The following MSH3 variants were observed in gnomAD, a reference collection of about 807,000 sequenced individuals.
MSH3 encodes the protein mutS homolog 3, also known as DNA mismatch repair protein Msh3.
A neutral mutation model predicts 123.3 loss-of-function variants in MSH3; 106 were observed. That is an observed-to-expected ratio of 0.86 (90% CI 0.73 to 1.01). The LOEUF (loss-of-function observed/expected upper bound fraction) is 1.01, where lower values mean the gene tolerates loss of function less well. Among genes scored for constraint, MSH3 ranks in the 50% least tolerant of loss-of-function variants. The pLI is 0.00. For synonymous variants in MSH3, 515 were observed against 481.4 expected (o/e 1.07, Z -0.91); for missense variants, 1,459 against 1,347.6 (o/e 1.08, Z -1.29).
chr5:80,731,256 A>G (rs914439591), intron 10 of MSH3, among the ~76,000 whole-genome samples: 1 of 152,062 alleles, frequency 6.6e-6, no homozygotes, highest in Non-Finnish European at 1.5e-5. Flanking sequence ...ATAAAACAAG[A>G]TGTCTATATA....
At chr5:80,776,437 A>AT (rs1345404064) in intron 16 of MSH3, among the ~76,000 whole-genome samples, 3 of 152,124 alleles carry the variant, frequency 2.0e-5, no homozygotes, top group Non-Finnish European at 4.4e-5. Flanking sequence ...AGAAGCTGCA[A>AT]TTTCATTTTC....
At chr5:80,840,292 C>A (rs1745597826) in intron 20 of MSH3, among the ~76,000 whole-genome samples, 1 of 152,132 alleles carries the variant, frequency 6.6e-6, no homozygotes, top group Non-Finnish European at 1.5e-5. Context: ...CCTGACAAAA[C>A]AAGCAATGGG....
chr5:80,688,917 G>A (rs1481701231), intron 8 of MSH3, among the ~76,000 whole-genome samples: 1 of 152,096 alleles, frequency 6.6e-6, no homozygotes, highest in Non-Finnish European at 1.5e-5. Flanking sequence ...GCTCAATTCT[G>A]TGGGTTCATA....
intron 19 of MSH3, among the ~76,000 whole-genome samples, chr5:80,797,575 A>T (rs1744718574): frequency 6.6e-6 from 1 of 152,262 alleles, no homozygotes; most frequent in Admixed American, 6.5e-5. Context: ...CATACTTCTG[A>T]GTAAACTATG....
intron 19 of MSH3, among the ~76,000 whole-genome samples, chr5:80,810,842 C>G (rs575631465): frequency 6.6e-6 from 1 of 151,930 alleles, no homozygotes; most frequent in Non-Finnish European, 1.5e-5. Flanking sequence ...TATTTGATTT[C>G]TTTTGATACT....
chr5:80,805,969 G>T (rs1017148943), intron 19 of MSH3, among the ~76,000 whole-genome samples: 1 of 152,120 alleles, frequency 6.6e-6, no homozygotes, highest in African/African-American at 2.4e-5. Flanking sequence ...ATGGGTGAAT[G>T]CTTTTGTGCC....
chr5:80,716,301 G>C (rs1750959025), intron 8 of MSH3, among the ~76,000 whole-genome samples: 1 of 152,034 alleles, frequency 6.6e-6, no homozygotes, highest in Admixed American at 6.5e-5. Context: ...CTTTTATTTA[G>C]AGTAATTCCT....
intron 8 of MSH3, among the ~76,000 whole-genome samples, chr5:80,721,827 A>C (rs943358956): frequency 6.6e-6 from 1 of 152,228 alleles, no homozygotes; most frequent in African/African-American, 2.4e-5. Context: ...TACATTGATA[A>C]AATGATACAT....
At chr5:80,848,554 C>G (rs1040704458) in intron 20 of MSH3, among the ~76,000 whole-genome samples, 4 of 152,280 alleles carry the variant, frequency 2.6e-5, no homozygotes, top group Admixed American at 2.6e-4. Context: ...CTGGGAAGGC[C>G]TCACAATCAT....
At chr5:80,721,402 T>C (rs981693961) in intron 8 of MSH3, among the ~76,000 whole-genome samples, 11 of 152,214 alleles carry the variant, frequency 7.2e-5, no homozygotes, top group Admixed American at 7.2e-4. Flanking sequence ...CTTCAGGCTT[T>C]ACTGTGGACT....
At chr5:80,670,394 T>G (rs1749678235) in intron 4 of MSH3, 85 bp downstream of exon 4, 1 of 1,362,824 alleles carries the variant, frequency 7.3e-7, no homozygotes, top group Non-Finnish European at 1.0e-6. Flanking sequence ...TTTTCTGACC[T>G]TATATAAAAG....
rs1011582720 is a variant in MSH3 at position 80,768,843 on chromosome 5, A to G, written c.2093A>G (p.Asp698Gly). The G allele has an allele frequency of 1.2e-6, 2 of 1,606,270 alleles. No homozygotes were observed. The highest frequency in any genetic ancestry group is 8.5e-7 in the Non-Finnish European group (1 of 1,173,890). The change falls in exon 15 of 24, where the codon GAT becomes GGT. Residue 698 changes from aspartate (D) to glycine (G), a missense_variant. Physicochemically the swap from Asp to Gly is moderately conservative, Grantham distance 94. Coordinates refer to ENST00000265081, the MANE Select transcript of MSH3 (RefSeq NM_002439.5). Reference protein sequence around the residue: ...ILNEQAAKVGDKTELFKDLSD... With the variant: ...ILNEQAAKVGGKTELFKDLSD... ...ATGTTTTGATTTTTTAGAGTTGGGG[A>G]TAAAACTGAATTATTTAAAGACCTT...
chr5:80,662,592 G>A (rs1157056952), intron 2 of MSH3, among the ~76,000 whole-genome samples: 2 of 152,016 alleles, frequency 1.3e-5, no homozygotes, highest in Non-Finnish European at 2.9e-5. Context: ...TTTGGGAGGC[G>A]GAGGCAGGCG....
chr5:80,815,675 C>G (rs1027624143), intron 20 of MSH3, among the ~76,000 whole-genome samples: 2 of 152,128 alleles, frequency 1.3e-5, no homozygotes, highest in African/African-American at 2.4e-5. Flanking sequence ...CTCCCCCACA[C>G]CCTTTTTTTA....
intron 10 of MSH3, among the ~76,000 whole-genome samples, chr5:80,737,814 G>A (rs574577498): frequency 2.0e-5 from 3 of 152,110 alleles, no homozygotes; most frequent in Non-Finnish European, 4.4e-5. Context: ...CAGAAGCATG[G>A]TTAGTCCTTG....
At chr5:80,784,227 A>AGG (rs1373063725) in intron 17 of MSH3, among the ~76,000 whole-genome samples, 7 of 140,432 alleles carry the variant, frequency 5.0e-5, no homozygotes, top group African/African-American at 1.9e-4. Flanking sequence ...AAAAAAAAAA[A>AGG]AAAAAAAAAA....
At chr5:80,757,999 A>G (rs1040794472) in intron 12 of MSH3, among the ~76,000 whole-genome samples, 6 of 152,206 alleles carry the variant, frequency 3.9e-5, no homozygotes, top group South Asian at 2.1e-4. Flanking sequence ...ACAGTGTCAC[A>G]TACCCTTTCA....
chr5:80,832,795 G>A (rs969083427), intron 20 of MSH3, among the ~76,000 whole-genome samples: 2 of 151,576 alleles, frequency 1.3e-5, no homozygotes, highest in African/African-American at 4.8e-5. Context: ...TGTTGTAATA[G>A]GAATAATCAT....
chr5:80,864,246 C>T (rs1009740603), intron 21 of MSH3, among the ~76,000 whole-genome samples: 1 of 152,130 alleles, frequency 6.6e-6, no homozygotes, highest in Non-Finnish European at 1.5e-5. Context: ...GTTTAGTCCT[C>T]ACTGGCAATG....
Sources: allele counts gnomAD v4.1 joint callset (sites outside exome capture counted in the v4.1 genomes callset), GRCh38; gene constraint gnomAD v4.1.1; transcripts MANE v1.5; gene names NCBI Gene and HGNC (gene_info 2026-07-23, HGNC 2026-07-21).